The following PLA2G12B variants were observed in gnomAD, a reference collection of about 807,000 sequenced individuals.
The protein encoded by PLA2G12B is group XIIB secretory phospholipase A2-like protein.
PLA2G12B carries 19 observed loss-of-function variants against 22.3 expected under a neutral mutation model. The observed-to-expected ratio is 0.85, with a 90% confidence interval of 0.60 to 1.25. PLA2G12B has a LOEUF of 1.25. PLA2G12B is among the 50% of genes most tolerant of loss of function. PLA2G12B has a pLI of 0.00. For missense variants in PLA2G12B, 191 were observed against 246.6 expected (o/e 0.77, Z 1.51); for synonymous variants, 81 against 94.9 (o/e 0.85, Z 0.85).
intron 3 of PLA2G12B, among the ~76,000 whole-genome samples, chr10:72,937,216 A>G (rs1846293419): frequency 6.6e-6 from 1 of 152,212 alleles, no homozygotes; most frequent in Non-Finnish European, 1.5e-5. Flanking sequence ...TCTCAAAAAA[A>G]TAAAAATAAA....
Position 72,935,707 on chromosome 10 carries a change from G to A in PLA2G12B, c.498C>T (p.Phe166=). ...GGCAGCCCAAGGTCCACACGGTGTTGAACACAGTGTCAACCAGGGAATCAC... is the reference window on the plus strand; with the variant it reads ...GGCAGCCCAAGGTCCACACGGTGTTAAACACAGTGTCAACCAGGGAATCAC... The part of the protein sequence containing the change: ...AACDSLVDTV[F]NTVWTLGCRP... The change falls in exon 4 of 4, where the codon TTC becomes TTT. Residue 166 remains phenylalanine, a synonymous_variant. Transcript: ENST00000373032. 6.2e-7 allele frequency: 1 copy of A among 1,614,072 alleles called. No individual in the cohort carries two copies. The highest frequency in any genetic ancestry group is 8.5e-7 in the Non-Finnish European group (1 of 1,179,952).
intron 3 of PLA2G12B, among the ~76,000 whole-genome samples, chr10:72,936,517 G>A (rs547577918): frequency 6.6e-6 from 1 of 152,186 alleles, no homozygotes; most frequent in Non-Finnish European, 1.5e-5. Context: ...GCCACATATT[G>A]TATGATTCCA....
chr10:72,945,008 G>T (rs1459984298), intron 1 of PLA2G12B, among the ~76,000 whole-genome samples: 3 of 152,226 alleles, frequency 2.0e-5, no homozygotes, highest in Non-Finnish European at 2.9e-5. Context: ...GCTAGGAAAT[G>T]AAGTGGGCAG....
At chr10:72,951,808 C>T (rs989273566) in intron 1 of PLA2G12B, among the ~76,000 whole-genome samples, 1 of 152,150 alleles carries the variant, frequency 6.6e-6, no homozygotes, top group African/African-American at 2.4e-5. Context: ...TTGACACACG[C>T]TGGATCTTGT....
At chr10:72,941,397 T>C (rs990852707) in intron 2 of PLA2G12B, 63 bp from the exon 3 acceptor site, 2 of 1,508,206 alleles carry the variant, frequency 1.3e-6, no homozygotes, top group Admixed American at 1.8e-5. Context: ...CTAAGGACCT[T>C]AGGCAACCTT....
At chr10:72,938,130 A>C (rs1846306676) in intron 3 of PLA2G12B, among the ~76,000 whole-genome samples, 1 of 150,948 alleles carries the variant, frequency 6.6e-6, no homozygotes, top group Non-Finnish European at 1.5e-5. Flanking sequence ...AAAAAAAAAA[A>C]GAAAGAAAGA....
At chr10:72,942,767 C>T in intron 1 of PLA2G12B, 27 bp from the exon 2 acceptor site, 1 of 1,523,244 alleles carries the variant, frequency 6.6e-7, no homozygotes, top group Non-Finnish European at 8.9e-7. Context: ...AGGAAAGAAG[C>T]AAGAAGAAAT....
intron 2 of PLA2G12B, among the ~76,000 whole-genome samples, chr10:72,942,187 T>C (rs1045154042): frequency 1.4e-4 from 21 of 148,494 alleles, no homozygotes; most frequent in Non-Finnish European, 2.7e-4. Context: ...TGTGTGTGTG[T>C]GCAGATTTCT....
At chr10:72,954,377 G>A (rs921272686) in intron 1 of PLA2G12B, 98 bp downstream of exon 1, 6 of 1,459,470 alleles carry the variant, frequency 4.1e-6, no homozygotes, top group Non-Finnish European at 4.7e-6. Flanking sequence ...GCTCTAAGTG[G>A]ATAACAGGAA....
At chr10:72,939,625 T>A (rs1428819841) in intron 3 of PLA2G12B, among the ~76,000 whole-genome samples, 1 of 151,680 alleles carries the variant, frequency 6.6e-6, no homozygotes, top group African/African-American at 2.4e-5. Context: ...AAATGCTTTG[T>A]GATGTGTGGA....
chr10:72,949,908 C>T (rs1478989949), intron 1 of PLA2G12B, among the ~76,000 whole-genome samples: 3 of 151,930 alleles, frequency 2.0e-5, no homozygotes, highest in African/African-American at 4.8e-5. Flanking sequence ...ACCTGGAAGG[C>T]GGAGGTTGCA....
chr10:72,935,648 A>G lies in PLA2G12B; in HGVS notation c.557T>C (p.Ile186Thr). ...PFMNSQRAACICAEEEKEEL is the reference protein window; with the variant it reads ...PFMNSQRAACTCAEEEKEEL ...CTCTTCCTTCTCCTCCTCTGCACAG[A>G]TGCAAGCTGCCCGCTGACTATTCAT... Residue 186 changes from isoleucine to threonine, a missense_variant, in exon 4 of 4, where the codon ATC becomes ACC. Physicochemically the swap from Ile to Thr is moderately conservative, Grantham distance 89. Transcript: ENST00000373032. The G allele has an allele frequency of 6.2e-7, 1 of 1,614,226 alleles. No individual in the cohort carries two copies. Among genetic ancestry groups the G allele is most frequent in the Non-Finnish European group, 8.5e-7 (1 of 1,180,044 alleles).
At chr10:72,947,010 A>G (rs958892016) in intron 1 of PLA2G12B, among the ~76,000 whole-genome samples, 7 of 151,136 alleles carry the variant, frequency 4.6e-5, no homozygotes, top group Non-Finnish European at 5.9e-5. Context: ...TGCAGCTTCA[A>G]ACTCCCAGGT....
At chr10:72,948,035 C>T (rs1357233335) in intron 1 of PLA2G12B, among the ~76,000 whole-genome samples, 6 of 152,106 alleles carry the variant, frequency 3.9e-5, no homozygotes, top group Non-Finnish European at 7.4e-5. Context: ...CCACCACGCC[C>T]GGCTAATTTT....
chr10:72,950,136 A>G (rs995774956), intron 1 of PLA2G12B, among the ~76,000 whole-genome samples: 14 of 152,264 alleles, frequency 9.2e-5, no homozygotes, highest in African/African-American at 3.1e-4. Flanking sequence ...TCACTAAAAC[A>G]GATTAAGTTA....
rs1216343001 is a variant in PLA2G12B at position 72,954,708 on chromosome 10, C to T, written c.-23G>A. 11 of 1,612,156 alleles carry T rather than the reference C, an allele frequency of 6.8e-6. No individual in the cohort carries two copies. The highest frequency in any genetic ancestry group is 9.3e-6 in the Non-Finnish European group (11 of 1,179,264). ...CATCCTGCAGCCAGGTAGGTACTGG[C>T]TTCTCTCCTCAAACCCCAGCCAGTG... is the stretch of plus-strand genomic sequence containing the variant. On this transcript the variant is annotated 5_prime_UTR_variant, in exon 1 of 4. Transcript: ENST00000373032.
Position 72,935,354 on chromosome 10 carries a change from GA to G in PLA2G12B, c.*262del, listed in dbSNP as rs1846263854. The G allele has an allele frequency of 8.5e-6, 3 of 352,526 alleles. No individual in the cohort carries two copies. Among genetic ancestry groups the G allele is most frequent in the African/African-American group, 2.1e-5 (1 of 47,838 alleles). The allele number at this position is 352,526 out of a possible 1,614,324, so 21.8% of individuals were successfully genotyped here. ...GCTTGCATTTTAGTCTTTAAGCTAA[GA>G]ACTGAATTTCCAGGCAAATGTGTCT... On this transcript the variant is annotated 3_prime_UTR_variant, in exon 4 of 4. Coordinates refer to ENST00000373032, the MANE Select transcript of PLA2G12B (RefSeq NM_032562.5).
In PLA2G12B at chr10:72,942,747, G is replaced by A. The variant is rs1189175192; in HGVS notation, c.212-7C>T. The A allele has an allele frequency of 6.3e-7, 1 of 1,584,626 alleles. No homozygotes were observed. Among genetic ancestry groups the A allele is most frequent in the Non-Finnish European group, 8.6e-7 (1 of 1,162,302 alleles). On this transcript the variant is annotated splice_region_variant and splice_polypyrimidine_tract_variant and intron_variant, in intron 1 of 3. Coordinates refer to ENST00000373032, the MANE Select transcript of PLA2G12B (RefSeq NM_032562.5). ...CTGGGCATTGGTGCCTTTCCTTGCA[G>A]GAGGAAGAAAGGAAAGAAGCAAGAA...
At chr10:72,946,644 G>A (rs1377866621) in intron 1 of PLA2G12B, among the ~76,000 whole-genome samples, 1 of 152,162 alleles carries the variant, frequency 6.6e-6, no homozygotes, top group Non-Finnish European at 1.5e-5. Flanking sequence ...TAGTGGGAGT[G>A]AGGTGGTGTT....
Sources: allele counts gnomAD v4.1 joint callset (sites outside exome capture counted in the v4.1 genomes callset), GRCh38; gene constraint gnomAD v4.1.1; transcripts MANE v1.5; gene names NCBI Gene and HGNC (gene_info 2026-07-23, HGNC 2026-07-21).